Variants in ZNF804A observed in about 807,000 individuals in gnomAD.
ZNF804A encodes the protein zinc finger protein 804A.
In ZNF804A, 2 loss-of-function variants were observed where a neutral mutation model predicts 16.5. That is an observed-to-expected ratio of 0.12 (90% confidence interval 0.05 to 0.38). The LOEUF (loss-of-function observed/expected upper bound fraction) is 0.38, where lower values mean the gene tolerates loss of function less well. ZNF804A is among the 10% of genes least tolerant of loss of function. The probability of loss-of-function intolerance (pLI) is 0.99; values close to 1 mark genes in which losing one functional copy is unlikely to be tolerated. For synonymous variants in ZNF804A, 534 were observed against 489.6 expected (o/e 1.09, Z -1.20); for missense variants, 1,473 against 1,390.7 (o/e 1.06, Z -0.94).
intron 1 of ZNF804A, among the ~76,000 whole-genome samples, chr2:184,626,370 A>T (rs968980744): frequency 5.9e-5 from 9 of 152,122 alleles, no homozygotes; most frequent in Non-Finnish European, 1.3e-4. Flanking sequence ...ACTGCACGAA[A>T]ATTATTAAAA....
At chr2:184,612,458 G>C (rs77398649) in intron 1 of ZNF804A, among the ~76,000 whole-genome samples, 1 of 148,638 alleles carries the variant, frequency 6.7e-6, no homozygotes, top group South Asian at 2.1e-4. Flanking sequence ...TTGGGGGGGG[G>C]ACGGAGTCTT....
At chr2:184,708,726 G>T (rs1021567653) in intron 1 of ZNF804A, among the ~76,000 whole-genome samples, 1 of 152,076 alleles carries the variant, frequency 6.6e-6, no homozygotes, top group Non-Finnish European at 1.5e-5. Context: ...ACAAGGAAAT[G>T]TATATCTCTA....
At chr2:184,905,819 C>A (rs530320267) in intron 2 of ZNF804A, among the ~76,000 whole-genome samples, 5 of 152,222 alleles carry the variant, frequency 3.3e-5, no homozygotes, top group African/African-American at 1.2e-4. Flanking sequence ...TGGAAGAGAA[C>A]CACTGTTCTA....
At chr2:184,842,420 T>C (rs1695451857) in intron 1 of ZNF804A, among the ~76,000 whole-genome samples, 1 of 152,116 alleles carries the variant, frequency 6.6e-6, no homozygotes, top group African/African-American at 2.4e-5. Context: ...TTTGAGAAAA[T>C]ATTTTCTAAA....
rs567610468 is a variant in ZNF804A, at chr2:184,720,782, A to G, written c.111+121712A>G. 4.1e-4 allele frequency among the ~76,000 whole-genome samples: 62 copies of G among 152,264 alleles called. No homozygotes were observed. The South Asian group carries it at 0.013, about 31-fold the overall frequency. Reference sequence around the variant, plus strand: ...ATTCTAAAATCTGTATGGTATCAAAAAGACCTCAAATAGCCAAAGCAATCC... The same window carrying G: ...ATTCTAAAATCTGTATGGTATCAAAGAGACCTCAAATAGCCAAAGCAATCC... On this transcript the variant is annotated intron_variant, in intron 1 of 3. Transcript: ENST00000302277.
chr2:184,903,592 A>C (rs540208034), intron 2 of ZNF804A, among the ~76,000 whole-genome samples: 1 of 152,286 alleles, frequency 6.6e-6, no homozygotes, highest in East Asian at 1.9e-4. Flanking sequence ...ACATGACTGT[A>C]GTATAAGAGT....
chr2:184,876,507 G>A (rs1684682367), intron 2 of ZNF804A, among the ~76,000 whole-genome samples: 1 of 152,038 alleles, frequency 6.6e-6, no homozygotes, highest in South Asian at 2.1e-4. Context: ...CTCCTACAGA[G>A]CCCTCAAACC....
At chr2:184,664,889 A>G (rs1212612257) in intron 1 of ZNF804A, among the ~76,000 whole-genome samples, 1 of 152,206 alleles carries the variant, frequency 6.6e-6, no homozygotes, top group Non-Finnish European at 1.5e-5. Context: ...TAATGCAATA[A>G]TTGGTGTAAA....
At chr2:184,897,935 G>C (rs1000058276) in intron 2 of ZNF804A, among the ~76,000 whole-genome samples, 3 of 152,196 alleles carry the variant, frequency 2.0e-5, no homozygotes, top group African/African-American at 7.2e-5. Flanking sequence ...ACTTTTGCTG[G>C]AGAATGTTAG....
chr2:184,801,941 A>C (rs907517272), intron 1 of ZNF804A, among the ~76,000 whole-genome samples: 3 of 152,104 alleles, frequency 2.0e-5, no homozygotes, highest in Non-Finnish European at 4.4e-5. Flanking sequence ...TCTTGCTAGG[A>C]GTTGGACTGT....
chr2:184,904,526 G>T (rs1356418290), intron 2 of ZNF804A, among the ~76,000 whole-genome samples: 1 of 152,030 alleles, frequency 6.6e-6, no homozygotes, highest in African/African-American at 2.4e-5. Context: ...CATTATACTT[G>T]CCATGACAAA....
intron 1 of ZNF804A, among the ~76,000 whole-genome samples, chr2:184,847,131 G>A (rs541216524): frequency 6.4e-4 from 97 of 152,146 alleles, no homozygotes; most frequent in African/African-American, 2.2e-3. Flanking sequence ...GAACATTAAC[G>A]TATCTTTCTT....
At chr2:184,722,084 A>T (rs1279327518) in intron 1 of ZNF804A, among the ~76,000 whole-genome samples, 1 of 151,916 alleles carries the variant, frequency 6.6e-6, no homozygotes, top group Non-Finnish European at 1.5e-5. Flanking sequence ...CTCTGAGAAG[A>T]GTGTGTGGGT....
intron 1 of ZNF804A, among the ~76,000 whole-genome samples, chr2:184,806,418 A>C (rs1378591083): frequency 6.6e-6 from 1 of 151,936 alleles, no homozygotes; most frequent in Non-Finnish European, 1.5e-5. Context: ...TAAACATTTC[A>C]TCAACATTTA....
intron 1 of ZNF804A, among the ~76,000 whole-genome samples, chr2:184,664,910 T>A (rs866022567): frequency 3.9e-5 from 6 of 152,294 alleles, no homozygotes. Context: ...CATTTCTGAA[T>A]GGAAATACTT....
At chr2:184,854,543 A>G (rs75948774) in intron 1 of ZNF804A, among the ~76,000 whole-genome samples, 1,610 of 152,046 alleles carry the variant, frequency 0.011, 34 homozygotes, top group African/African-American at 0.037. Context: ...GGACCTACAG[A>G]TTTTTCTATA....
intron 1 of ZNF804A, among the ~76,000 whole-genome samples, chr2:184,678,062 ATAAT>A (rs1692469251): frequency 6.6e-6 from 1 of 152,080 alleles, no homozygotes; most frequent in African/African-American, 2.4e-5. Context: ...AAGCACAGTA[ATAAT>A]TAATTAGTTA....
At chr2:184,804,458 T>C (rs1694773305) in intron 1 of ZNF804A, among the ~76,000 whole-genome samples, 1 of 152,196 alleles carries the variant, frequency 6.6e-6, no homozygotes, top group Non-Finnish European at 1.5e-5. Context: ...AGCATGAACA[T>C]CATCCAGAAA....
At chr2:184,698,456 T>C (rs1207991556) in intron 1 of ZNF804A, among the ~76,000 whole-genome samples, 1 of 152,092 alleles carries the variant, frequency 6.6e-6, no homozygotes, top group East Asian at 1.9e-4. Context: ...ATAAAGGCTC[T>C]TATTGGCTGA....
Sources: allele counts gnomAD v4.1 joint callset (sites outside exome capture counted in the v4.1 genomes callset), GRCh38; gene constraint gnomAD v4.1.1; transcripts MANE v1.5; gene names NCBI Gene and HGNC (gene_info 2026-07-23, HGNC 2026-07-21).